Variants in HHAT observed in about 807,000 individuals in gnomAD.
HHAT encodes hedgehog acyltransferase.
Under a neutral mutation model 70.8 loss-of-function variants are expected in HHAT, and 47 were observed. That is an observed-to-expected ratio of 0.66 (90% CI 0.53 to 0.85). HHAT has a LOEUF of 0.85. Ranked by LOEUF, HHAT falls within the 40% of genes least tolerant of loss-of-function variation. HHAT has a pLI of 0.00. For synonymous variants in HHAT, 228 were observed against 247.6 expected (o/e 0.92, Z 0.74); for missense variants, 609 against 604.8 (o/e 1.01, Z -0.07).
intron 10 of HHAT, among the ~76,000 whole-genome samples, chr1:210,594,826 A>G (rs549258682): frequency 6.6e-6 from 1 of 152,170 alleles, no homozygotes. Flanking sequence ...ATTTTAGGAT[A>G]AAAGTTTTTT....
rs559995210 is a variant in HHAT at position 210,437,222 on chromosome 1, T to C, written c.856+18897T>C. ...ACTATTCTGTAAGGCTAACTGCTTT[T>C]GAATGATGGGATAAGACTAGTGAAT... is the stretch of plus-strand genomic sequence containing the variant. On this transcript the variant is annotated intron_variant, in intron 7 of 11. Transcript: ENST00000261458. Among the ~76,000 whole-genome samples the C allele has an allele frequency of 2.6e-5, 4 of 151,990 alleles. No homozygotes were observed. The South Asian group carries it at 8.3e-4, about 31-fold the overall frequency.
At chr1:210,668,806 C>T (rs1679469302) in intron 11 of HHAT, among the ~76,000 whole-genome samples, 1 of 152,108 alleles carries the variant, frequency 6.6e-6, no homozygotes, top group African/African-American at 2.4e-5. Context: ...CGGAGTCTCG[C>T]ACTGTCACCC....
intron 2 of HHAT, among the ~76,000 whole-genome samples, chr1:210,356,957 C>A (rs2087696669): frequency 6.6e-6 from 1 of 152,178 alleles, no homozygotes; most frequent in Admixed American, 6.5e-5. Context: ...GTGAAAAGAC[C>A]CAATTGAACT....
At chr1:210,659,091 G>A (rs1313412034) in intron 11 of HHAT, among the ~76,000 whole-genome samples, 3 of 152,154 alleles carry the variant, frequency 2.0e-5, no homozygotes, top group Non-Finnish European at 2.9e-5. Context: ...TAAGATCAGA[G>A]CAGAACTGAA....
chr1:210,638,256 A>G (rs1431836922), intron 11 of HHAT, among the ~76,000 whole-genome samples: 3 of 152,254 alleles, frequency 2.0e-5, no homozygotes, highest in Non-Finnish European at 4.4e-5. Context: ...TCATACCAGC[A>G]TTCTGTGTAA....
In HHAT at chr1:210,464,806, A is replaced by T; in HGVS notation, c.1007+151A>T. 6 of 736,762 alleles carry T rather than the reference A, an allele frequency of 8.1e-6. No individual in the cohort carries two copies. In the South Asian group the frequency reaches 9.1e-5, roughly 11 times the overall value. The allele number at this position is 736,762 out of a possible 1,614,324, so 45.6% of individuals were successfully genotyped here. ...ATTTCTTCATCCTACTAACAGGATG[A>T]CTAATCCATGCTTTCTGGGTCTCTC... On this transcript the variant is annotated intron_variant, in intron 8 of 11. Coordinates refer to ENST00000261458, the MANE Select transcript of HHAT (RefSeq NM_018194.6).
chr1:210,347,687 C>G (rs1259121591), intron 1 of HHAT, among the ~76,000 whole-genome samples: 5 of 152,184 alleles, frequency 3.3e-5, no homozygotes, highest in Non-Finnish European at 1.5e-5. Context: ...CTTAAACAAC[C>G]TAGAAATGCA....
intron 3 of HHAT, among the ~76,000 whole-genome samples, chr1:210,366,572 T>C (rs971830111): frequency 6.6e-6 from 1 of 152,190 alleles, no homozygotes; most frequent in South Asian, 2.1e-4. Context: ...GCAGAGATCG[T>C]GCCACTGCAC....
chr1:210,444,751 C>G (rs1018510288), intron 7 of HHAT, among the ~76,000 whole-genome samples: 2 of 152,182 alleles, frequency 1.3e-5, no homozygotes, highest in Non-Finnish European at 2.9e-5. Flanking sequence ...TGGATTTGAG[C>G]AATCCTTCCA....
intron 9 of HHAT, among the ~76,000 whole-genome samples, chr1:210,557,932 C>T (rs1431094835): frequency 6.6e-6 from 1 of 152,136 alleles, no homozygotes; most frequent in Non-Finnish European, 1.5e-5. Flanking sequence ...AGACACTGTC[C>T]ACATGGGCAT....
chr1:210,327,751 C>T (rs1422469723), upstream of HHAT, among the ~76,000 whole-genome samples: 1 of 152,118 alleles, frequency 6.6e-6, no homozygotes, highest in African/African-American at 2.4e-5. Context: ...AGTGATCCTC[C>T]TGCTACCGCT....
rs74156011 is a variant in HHAT at position 210,657,528 on chromosome 1, A to G, written c.1391-16760A>G. 3.1e-3 allele frequency among the ~76,000 whole-genome samples: 478 copies of G among 152,310 alleles called. 3 individuals are homozygous for G. The highest frequency in any genetic ancestry group is 0.011 in the African/African-American group (455 of 41,580). ...AGCTCTGGGAAGAGCTGCTGTGGCC[A>G]TGGCTGCTGCCCCCGGGAACTTGGC... is the stretch of plus-strand genomic sequence containing the variant. On this transcript the variant is annotated intron_variant, in intron 11 of 11. Coordinates refer to ENST00000261458, the MANE Select transcript of HHAT (RefSeq NM_018194.6).
At chr1:210,526,493 C>T (rs1364522129) in intron 9 of HHAT, among the ~76,000 whole-genome samples, 2 of 151,900 alleles carry the variant, frequency 1.3e-5, no homozygotes, top group African/African-American at 4.8e-5. Context: ...TTCCACAAAC[C>T]AGAATTAAAC....
chr1:210,550,525 G>A (rs1332004712), intron 9 of HHAT, among the ~76,000 whole-genome samples: 1 of 149,156 alleles, frequency 6.7e-6, no homozygotes, highest in Non-Finnish European at 1.5e-5. Flanking sequence ...CGAGCACATA[G>A]TAGGTATTCA....
chr1:210,572,001 T>C (rs574418307), intron 9 of HHAT, among the ~76,000 whole-genome samples: 34 of 152,342 alleles, frequency 2.2e-4, no homozygotes, highest in African/African-American at 7.2e-4. Flanking sequence ...CTGACTGCAT[T>C]AAGAGAAAAA....
chr1:210,454,868 G>T (rs1199589949), intron 7 of HHAT, among the ~76,000 whole-genome samples: 1 of 152,186 alleles, frequency 6.6e-6, no homozygotes, highest in Admixed American at 6.5e-5. Flanking sequence ...TAGTCACTCT[G>T]GGAAGTCAAC....
chr1:210,577,372 G>A (rs1054456197), intron 9 of HHAT, among the ~76,000 whole-genome samples: 3 of 152,086 alleles, frequency 2.0e-5, no homozygotes, highest in Non-Finnish European at 4.4e-5. Context: ...AGTGTGTTGG[G>A]AGTTTTTATC....
At chr1:210,385,106 T>C (rs2090938652) in intron 3 of HHAT, among the ~76,000 whole-genome samples, 1 of 151,348 alleles carries the variant, frequency 6.6e-6, no homozygotes, top group Non-Finnish European at 1.5e-5. Context: ...GAAAGTCTTA[T>C]ATGTTTTGTT....
intron 3 of HHAT, among the ~76,000 whole-genome samples, chr1:210,373,475 G>A (rs539499995): frequency 6.0e-4 from 91 of 152,252 alleles, no homozygotes; most frequent in African/African-American, 2.1e-3. Context: ...CGAGATCACA[G>A]GGGCACGTGG....
Sources: allele counts gnomAD v4.1 joint callset (sites outside exome capture counted in the v4.1 genomes callset), GRCh38; gene constraint gnomAD v4.1.1; transcripts MANE v1.5; gene names NCBI Gene and HGNC (gene_info 2026-07-23, HGNC 2026-07-21).